PCDHGB1: variants seen among roughly 807,000 people sequenced by gnomAD.
PCDHGB1 encodes the protein protocadherin gamma subfamily B, 1.
In PCDHGB1, 34 loss-of-function variants were observed where a neutral mutation model predicts 56.6. That is an observed-to-expected ratio of 0.60 (90% CI 0.46 to 0.80). The LOEUF is 0.80. Among genes scored for constraint, PCDHGB1 ranks in the 30% least tolerant of loss-of-function variants. PCDHGB1 has a pLI of 0.00. For missense variants in PCDHGB1, 1,278 were observed against 1,204.6 expected, an observed-to-expected ratio of 1.06 and a Z score of -0.90; for synonymous variants, 561 against 505.9, an observed-to-expected ratio of 1.11 and a Z score of -1.46.
chr5:141,453,364 G>A (rs921978865), intron 1 of PCDHGB1, among the ~76,000 whole-genome samples: 4 of 151,814 alleles, frequency 2.6e-5, no homozygotes, highest in African/African-American at 9.7e-5. Flanking sequence ...GAACTCCTGG[G>A]GTCAAGTGAT....
At chr5:141,414,497 A>C (rs757597548) in intron 1 of PCDHGB1, 4 of 1,613,922 alleles carry the variant, frequency 2.5e-6, no homozygotes, top group Non-Finnish European at 3.4e-6. Context: ...ACGGAAGCTC[A>C]CTTTATGCTA....
chr5:141,433,634 G>T (rs2097636752), intron 1 of PCDHGB1, among the ~76,000 whole-genome samples: 1 of 152,078 alleles, frequency 6.6e-6, no homozygotes, highest in Admixed American at 6.5e-5. Flanking sequence ...TTGGGAGTTT[G>T]AGACCAGCCT....
intron 1 of PCDHGB1, among the ~76,000 whole-genome samples, chr5:141,448,617 T>C (rs1318664360): frequency 2.0e-5 from 3 of 152,150 alleles, no homozygotes; most frequent in Non-Finnish European, 2.9e-5. Flanking sequence ...ACTTTATATC[T>C]TCCTTTCTTC....
chr5:141,507,206 G>A (rs1392293998), intron 3 of PCDHGB1: 2 of 152,376 alleles, frequency 1.3e-5, no homozygotes, highest in African/African-American at 4.8e-5. Flanking sequence ...CCAGATCAGG[G>A]TTGCCAGATA....
intron 1 of PCDHGB1, chr5:141,417,501 A>T: frequency 4.4e-6 from 1 of 227,168 alleles, no homozygotes. Flanking sequence ...GAGGAAAAAG[A>T]TTAAAATATT....
At chr5:141,396,797 T>C (rs1043872860) in intron 1 of PCDHGB1, among the ~76,000 whole-genome samples, 1 of 152,182 alleles carries the variant, frequency 6.6e-6, no homozygotes, top group Non-Finnish European at 1.5e-5. Context: ...TTCCTAAGGA[T>C]TGTGTAGTGT....
At chr5:141,430,384 A>G (rs547268242) in intron 1 of PCDHGB1, among the ~76,000 whole-genome samples, 32 of 122,116 alleles carry the variant, frequency 2.6e-4, no homozygotes, top group East Asian at 6.6e-4. Context: ...GCTCATTGGG[A>G]AAAAAAAAAA....
In PCDHGB1 at chr5:141,350,970, C is replaced by T; in HGVS notation, c.710C>T (p.Pro237Leu). The stretch of plus-strand genomic sequence containing the variant: ...GTTACGGATGCCAATGATAATGCTC[C>T]CGTGTTTAGCCAGGAGGTATACAGG... The part of the protein sequence containing the change: ...IRVTDANDNA[P>L]VFSQEVYRVS... The change falls in exon 1 of 4, where the codon CCC becomes CTC. Residue 237 changes from proline to leucine, a missense_variant. Pro to Leu is a moderately conservative substitution (Grantham distance 98, BLOSUM62 -3). Transcript: ENST00000523390. 1 of 1,614,072 alleles carries T rather than the reference C, an allele frequency of 6.2e-7. No homozygotes were observed. The highest frequency in any genetic ancestry group is 8.5e-7 in the Non-Finnish European group (1 of 1,179,904).
intron 1 of PCDHGB1, chr5:141,374,322 G>A: frequency 6.2e-7 from 1 of 1,613,980 alleles, no homozygotes; most frequent in Middle Eastern, 1.7e-4. Context: ...CTGAATCCGC[G>A]AAACGGCAGC....
chr5:141,391,882 A>C (rs2092435224), intron 1 of PCDHGB1: 1 of 152,226 alleles, frequency 6.6e-6, no homozygotes, highest in Middle Eastern at 3.2e-3. Flanking sequence ...CTTTGGTGAA[A>C]GGGATGGGAT....
At chr5:141,387,764 A>AT (rs1054166588) in intron 1 of PCDHGB1, 8 of 1,430,464 alleles carry the variant, frequency 5.6e-6, no homozygotes, top group Non-Finnish European at 7.4e-6. Context: ...AAAAAGAAGA[A>AT]TTTTTTCTTG....
At chr5:141,462,627 A>T (rs1200455153) in intron 1 of PCDHGB1, among the ~76,000 whole-genome samples, 1 of 150,276 alleles carries the variant, frequency 6.7e-6, no homozygotes, top group East Asian at 1.9e-4. Flanking sequence ...TAGAAGTTCC[A>T]TTTGACTCTT....
intron 1 of PCDHGB1, among the ~76,000 whole-genome samples, chr5:141,459,968 C>T (rs1260233942): frequency 1.3e-5 from 2 of 152,190 alleles, no homozygotes; most frequent in East Asian, 3.8e-4. Context: ...ATCCCAGCTA[C>T]TCAGGAGGCT....
intron 1 of PCDHGB1, among the ~76,000 whole-genome samples, chr5:141,492,854 G>A (rs1361942466): frequency 6.6e-6 from 1 of 152,212 alleles, no homozygotes; most frequent in Non-Finnish European, 1.5e-5. Flanking sequence ...AAAGCCTCGA[G>A]CGCCCTGGCT....
At chr5:141,361,585 A>G in intron 1 of PCDHGB1, 1 of 1,614,014 alleles carries the variant, frequency 6.2e-7, no homozygotes, top group Non-Finnish European at 8.5e-7. Context: ...CTTGGGCCCC[A>G]GTGGCCAAGT....
intron 1 of PCDHGB1, chr5:141,388,978 CT>C (rs1389375857): frequency 6.2e-7 from 1 of 1,613,972 alleles, no homozygotes; most frequent in East Asian, 2.2e-5. Flanking sequence ...ACACATATTG[CT>C]TTGCTCAAAG....
chr5:141,482,500 G>T (rs1409735210), intron 1 of PCDHGB1, among the ~76,000 whole-genome samples: 1 of 133,788 alleles, frequency 7.5e-6, no homozygotes, highest in Non-Finnish European at 1.5e-5. Flanking sequence ...TATCATTCTG[G>T]TACCCAGAGT....
chr5:141,500,574 G>A (rs2099801457), intron 2 of PCDHGB1, among the ~76,000 whole-genome samples: 1 of 152,164 alleles, frequency 6.6e-6, no homozygotes, highest in African/African-American at 2.4e-5. Context: ...ACACTTTCAT[G>A]TGACACTTTA....
At chr5:141,502,019 G>A (rs1454981730) in intron 2 of PCDHGB1, among the ~76,000 whole-genome samples, 1 of 152,008 alleles carries the variant, frequency 6.6e-6, no homozygotes, top group African/African-American at 2.4e-5. Flanking sequence ...TCTCCTCCCT[G>A]CAACCCCCGC....
Sources: gnomAD v4.1 joint callset for allele counts (sites outside exome capture counted in the v4.1 genomes callset) on GRCh38, gnomAD v4.1.1 for gene constraint, MANE v1.5 for transcripts, NCBI Gene and HGNC (gene_info 2026-07-23, HGNC 2026-07-21) for gene names.